Variants in CCDC88A observed in about 807,000 individuals in gnomAD.
The protein encoded by CCDC88A is girdin.
In CCDC88A, 54 loss-of-function variants were observed where a neutral mutation model predicts 234.3. That is an observed-to-expected ratio of 0.23 (90% CI 0.19 to 0.29). The LOEUF is 0.29. CCDC88A is among the 10% of genes least tolerant of loss of function. CCDC88A has a pLI of 1.00. For missense variants in CCDC88A, 1,832 were observed against 2,123.4 expected (o/e 0.86, Z 2.70); for synonymous variants, 753 against 737.8 (o/e 1.02, Z -0.33).
At position 55,335,087 on chromosome 2, in the gene CCDC88A, T is replaced by G. The variant is rs775426363; in HGVS notation, c.1734A>C (p.Ala578=). The change falls in exon 15 of 33, where the codon GCA becomes GCC. Residue 578 remains alanine, a synonymous_variant. Transcript: ENST00000436346. This position sits in a 1 kb window ranked among gnomAD's most constrained non-coding sequence, Gnocchi z 4.5. The part of the protein sequence containing the change: ...SSLRQRSQIS[A]EARVKDIEKE... Reference sequence around the variant, plus strand: ...TTTCAATGTCTTTCACTCTTGCTTCTGCACTTATCTGGGACCGCTGCCTTA... The same window carrying G: ...TTTCAATGTCTTTCACTCTTGCTTCGGCACTTATCTGGGACCGCTGCCTTA... The G allele has an allele frequency of 6.2e-7, 1 of 1,605,656 alleles. No homozygotes were observed. The highest frequency in any genetic ancestry group is 1.7e-5 in the Admixed American group (1 of 58,314).
At chr2:55,296,633 C>T in intron 29 of CCDC88A, 110 bp from the exon 30 acceptor site, 1 of 1,016,678 alleles carries the variant, frequency 9.8e-7, no homozygotes. Context: ...GCCAAATTTA[C>T]TTTCAAGCTT....
chr2:55,346,380 CTTG>C (rs1669107863), intron 9 of CCDC88A, 47 bp from the exon 10 acceptor site: 2 of 1,071,672 alleles, frequency 1.9e-6, no homozygotes, highest in Non-Finnish European at 2.7e-6. Flanking sequence ...CTGTTATCAA[CTTG>C]TTATTCTTTG....
At chr2:55,343,025 T>C (rs1385430178) in intron 12 of CCDC88A, among the ~76,000 whole-genome samples, 2 of 152,096 alleles carry the variant, frequency 1.3e-5, no homozygotes, top group Admixed American at 1.3e-4. Flanking sequence ...ATCCAAACAA[T>C]TGTACATAAT....
chr2:55,391,066 C>G (rs1434813794), intron 2 of CCDC88A, among the ~76,000 whole-genome samples: 2 of 152,164 alleles, frequency 1.3e-5, no homozygotes, highest in Non-Finnish European at 2.9e-5. Context: ...AAGCAAAGAT[C>G]AAATACAAGA....
At chr2:55,349,835 A>G (rs1669645158) in intron 8 of CCDC88A, 2 of 358,628 alleles carry the variant, frequency 5.6e-6, no homozygotes, top group South Asian at 1.6e-4. Context: ...ATAGTATGTA[A>G]TACAGTTTTT....
intron 9 of CCDC88A, chr2:55,348,350 T>A (rs1159270246): frequency 6.5e-6 from 1 of 153,276 alleles, no homozygotes; most frequent in African/African-American, 2.4e-5. Flanking sequence ...CTCGGCTTGC[T>A]GCAACCTCCA....
At chr2:55,368,808 A>G (rs543645605) in intron 5 of CCDC88A, among the ~76,000 whole-genome samples, 1 of 152,332 alleles carries the variant, frequency 6.6e-6, no homozygotes, top group Admixed American at 6.5e-5. Flanking sequence ...CTGTTCAACT[A>G]TAAGATGAAC....
intron 23 of CCDC88A, among the ~76,000 whole-genome samples, chr2:55,310,072 T>A (rs182067278): frequency 6.6e-5 from 10 of 152,280 alleles, no homozygotes; most frequent in African/African-American, 1.2e-4. Context: ...AAGATAAGAA[T>A]GCTAAATTAC....
intron 9 of CCDC88A, among the ~76,000 whole-genome samples, chr2:55,346,659 A>G (rs1574212845): frequency 6.6e-6 from 1 of 152,232 alleles, no homozygotes. Context: ...ACCTCAGGTG[A>G]TCCACCTGCC....
chr2:55,289,477 G>A lies in CCDC88A; in HGVS notation c.*1723C>T, dbSNP rs1000659300. On this transcript the variant is annotated 3_prime_UTR_variant, in exon 33 of 33. Transcript: ENST00000436346. ...GAGAGAGAGATGTTTCAAAGTCTACGGAAAAGGTTTTAGATATTTCTGTTG... is the reference window on the plus strand; with the variant it reads ...GAGAGAGAGATGTTTCAAAGTCTACAGAAAAGGTTTTAGATATTTCTGTTG... 5.3e-5 allele frequency: 8 copies of A among 152,216 alleles called. No homozygotes were observed. The highest frequency in any genetic ancestry group is 1.9e-4 in the African/African-American group (8 of 41,400). The allele number at this position is 152,216 out of a possible 1,614,324, so 9.4% of individuals were successfully genotyped here. A position where few individuals can be genotyped will look rare whatever the true frequency, so the allele number is the denominator to read the frequency against.
At chr2:55,368,229 C>G (rs1313075200) in intron 5 of CCDC88A, among the ~76,000 whole-genome samples, 1 of 152,108 alleles carries the variant, frequency 6.6e-6, no homozygotes, top group South Asian at 2.1e-4. Flanking sequence ...TACCCAAGCC[C>G]TGGCCTTGGA....
At chr2:55,372,209 A>G (rs1195104945) in intron 5 of CCDC88A, among the ~76,000 whole-genome samples, 1 of 152,186 alleles carries the variant, frequency 6.6e-6, no homozygotes, top group Non-Finnish European at 1.5e-5. Context: ...AAGCCTCAGA[A>G]TAAGGAAAAG....
rs1406753861 is a variant in CCDC88A at position 55,391,875 on chromosome 2, G to C, written c.165-2989C>G. On this transcript the variant is annotated intron_variant, in intron 2 of 32. Transcript: ENST00000436346. Reference sequence around the variant, plus strand: ...AATAATGAATGGATGTTCTTTATAGGAAATAGATTCAGTTCAGAATCGCAC... The same window carrying C: ...AATAATGAATGGATGTTCTTTATAGCAAATAGATTCAGTTCAGAATCGCAC... Among the ~76,000 whole-genome samples the C allele has an allele frequency of 2.6e-5, 4 of 152,144 alleles. No individual in the cohort carries two copies. The East Asian group carries it at 7.7e-4, about 29-fold the overall frequency.
At chr2:55,379,229 TAAAGTATTAAAG>T (rs1234223743) in intron 3 of CCDC88A, among the ~76,000 whole-genome samples, 1 of 152,100 alleles carries the variant, frequency 6.6e-6, no homozygotes, top group Non-Finnish European at 1.5e-5. Context: ...AATTCATCAT[TAAAGTATTAAAG>T]AAATGGAAAA....
Position 55,328,516 on chromosome 2 carries a change from C to G in CCDC88A, c.2856-81G>C. ...AAGATAATTTATGACCACAAATATT[C>G]ATGCCATAAATGGGTCTTATAAAAG... On this transcript the variant is annotated intron_variant, in intron 16 of 32. Coordinates refer to ENST00000436346, the MANE Select transcript of CCDC88A (RefSeq NM_001365480.1). The surrounding 1 kb of genome is among the most constrained non-coding windows in gnomAD (Gnocchi z 4.3). 9.6e-7 allele frequency: 1 copy of G among 1,037,774 alleles called. No individual in the cohort carries two copies. The highest frequency in any genetic ancestry group is 1.3e-6 in the Non-Finnish European group (1 of 746,302). 64.3% of individuals were successfully genotyped at this position (1,037,774 alleles called of 1,614,324 possible).
intron 5 of CCDC88A, among the ~76,000 whole-genome samples, chr2:55,366,839 T>G (rs1672046587): frequency 6.6e-6 from 1 of 152,016 alleles, no homozygotes. Context: ...AAGAAAATAA[T>G]AAGACAAGGA....
At chr2:55,367,890 C>T (rs1265611521) in intron 5 of CCDC88A, among the ~76,000 whole-genome samples, 6 of 152,088 alleles carry the variant, frequency 3.9e-5, no homozygotes, top group Non-Finnish European at 7.3e-5. Context: ...CAGCACTACC[C>T]AACCTGGCCA....
rs192621306 is a variant in CCDC88A, at chr2:55,309,331, T to C, written c.4080-77A>G. 9.1e-4 allele frequency: 604 copies of C among 660,928 alleles called. No individual in the cohort carries two copies. The highest frequency in any genetic ancestry group is 1.3e-3 in the Non-Finnish European group (503 of 383,484). 40.9% of individuals were successfully genotyped at this position (660,928 alleles called of 1,614,324 possible). Reference sequence around the variant, plus strand: ...TGAATATTAAATTATTTGGTGACTGTGATCTAATGTCTCCCCAAAACATAA... The same window carrying C: ...TGAATATTAAATTATTTGGTGACTGCGATCTAATGTCTCCCCAAAACATAA... On this transcript the variant is annotated intron_variant, in intron 23 of 32. Coordinates refer to ENST00000436346, the MANE Select transcript of CCDC88A (RefSeq NM_001365480.1). This position sits in a 1 kb window ranked among gnomAD's most constrained non-coding sequence, Gnocchi z 5.1.
At chr2:55,378,187 C>T (rs1483130642) in intron 3 of CCDC88A, among the ~76,000 whole-genome samples, 4 of 152,196 alleles carry the variant, frequency 2.6e-5, no homozygotes, top group East Asian at 1.9e-4. Flanking sequence ...GCTGATTCTC[C>T]ACTTCCTGCC....
Sources: allele counts gnomAD v4.1 joint callset (sites outside exome capture counted in the v4.1 genomes callset), GRCh38; gene constraint gnomAD v4.1.1; non-coding constraint Gnocchi (gnomAD v3.1); transcripts MANE v1.5; gene names NCBI Gene and HGNC (gene_info 2026-07-23, HGNC 2026-07-21).